PKD1L1: variants seen among roughly 807,000 people sequenced by gnomAD.
The protein encoded by PKD1L1 is polycystin 1 like 1, transient receptor potential channel interacting.
PKD1L1 carries 236 observed loss-of-function variants against 323.4 expected under a neutral mutation model. The ratio of observed to expected loss-of-function variants is 0.73; its 90% confidence interval spans 0.66 to 0.81. The LOEUF is 0.81. PKD1L1 is among the 40% of genes least tolerant of loss of function. The pLI, the probability that PKD1L1 is intolerant of heterozygous loss-of-function variation, is 0.00. For synonymous variants in PKD1L1, 1,344 were observed against 1,335.0 expected (o/e 1.01, Z -0.15); for missense variants, 3,320 against 3,508.0 (o/e 0.95, Z 1.35).
In PKD1L1 at chr7:47,894,164, A is replaced by G. The variant is rs534905870; in HGVS notation, c.2272-105T>C. 3.1e-4 allele frequency: 321 copies of G among 1,029,080 alleles called. 2 individuals carry two copies. The highest frequency in any genetic ancestry group is 6.2e-5 in the Non-Finnish European group (45 of 720,190). The allele number at this position is 1,029,080 out of a possible 1,614,324, so 63.7% of individuals were successfully genotyped here. ...TTAGAAAGGAAGCCGACGAGTCTCA[A>G]CGCATCCCTGGCTCCAACTAAAACA... On this transcript the variant is annotated intron_variant, in intron 14 of 56. Coordinates refer to ENST00000289672, the MANE Select transcript of PKD1L1 (RefSeq NM_138295.5).
intron 56 of PKD1L1, among the ~76,000 whole-genome samples, chr7:47,777,015 C>T (rs1412211816): frequency 1.3e-5 from 2 of 152,164 alleles, no homozygotes; most frequent in Admixed American, 1.3e-4. Flanking sequence ...CCTCAGCTTC[C>T]TGAGTAGCTG....
intron 9 of PKD1L1, among the ~76,000 whole-genome samples, chr7:47,907,049 C>G (rs576192832): frequency 1.3e-5 from 2 of 152,224 alleles, no homozygotes; most frequent in African/African-American, 2.4e-5. Flanking sequence ...GCTAGACGTG[C>G]TGCTTATTTA....
rs1396673502 is a variant in PKD1L1 at position 47,946,444 on chromosome 7, G to A, written c.44+1953C>T. Among the ~76,000 whole-genome samples the A allele has an allele frequency of 6.8e-6, 1 of 147,068 alleles. No homozygotes were observed. Among genetic ancestry groups the A allele is most frequent in the Admixed American group, 6.8e-5 (1 of 14,722 alleles). On this transcript the variant is annotated intron_variant, in intron 1 of 56. Transcript: ENST00000289672. This position sits in a 1 kb window ranked among gnomAD's most constrained non-coding sequence, Gnocchi z 4.1. ...ACACACAATATACACACACCACACA[G>A]CACATACCCACCCACCACACACACA...
chr7:47,800,510 G>A, intron 54 of PKD1L1, 139 bp downstream of exon 54: 2 of 858,328 alleles, frequency 2.3e-6, no homozygotes, highest in Non-Finnish European at 3.6e-6. Context: ...CAGGGCAGGT[G>A]AGCTGGACGG....
chr7:47,792,603 A>T, intron 56 of PKD1L1, 24 bp downstream of exon 56: 1 of 1,566,736 alleles, frequency 6.4e-7, no homozygotes, highest in Non-Finnish European at 8.7e-7. Flanking sequence ...GAAAATTGAC[A>T]TAAATAATTT....
In PKD1L1 at chr7:47,902,429, C is replaced by T. The variant is rs867303375; in HGVS notation, c.2014G>A (p.Glu672Lys). ...TTCACCAGGGGTGGCTGGCAGGGCTCGCACACGATGAAAAGTTGCTGTCTT... is the reference window on the plus strand; with the variant it reads ...TTCACCAGGGGTGGCTGGCAGGGCTTGCACACGATGAAAAGTTGCTGTCTT... ...TLRQQLFIVC[E>K]PCQPPLVKNM... The change falls in exon 13 of 57, where the codon GAG (glutamate) becomes AAG (lysine). Residue 672 changes from glutamate (E) to lysine (K), a missense_variant. Glu to Lys is a moderately conservative substitution (Grantham distance 56). Transcript: ENST00000289672. 27 of 1,614,042 alleles carry T rather than the reference C, an allele frequency of 1.7e-5. No homozygotes were observed. The highest frequency in any genetic ancestry group is 6.7e-5 in the African/African-American group (5 of 74,916).
In PKD1L1 at chr7:47,839,160, G is replaced by A. The variant is rs1288745514; in HGVS notation, c.5769+286C>T. On this transcript the variant is annotated intron_variant, in intron 36 of 56. Coordinates refer to ENST00000289672, the MANE Select transcript of PKD1L1 (RefSeq NM_138295.5). This position sits in a 1 kb window ranked among gnomAD's most constrained non-coding sequence, Gnocchi z 4.3. ...GAAAAGTCTTTAATTACAGGGCTCT[G>A]GACATCACAGACCACCAGCAACCAT... Among the ~76,000 whole-genome samples the A allele has an allele frequency of 6.6e-6, 1 of 152,094 alleles. No homozygotes were observed. Among genetic ancestry groups the A allele is most frequent in the African/African-American group, 2.4e-5 (1 of 41,400 alleles).
chr7:47,805,825 C>T (rs986288590), intron 52 of PKD1L1, among the ~76,000 whole-genome samples: 5 of 152,174 alleles, frequency 3.3e-5, no homozygotes, highest in African/African-American at 9.6e-5. Context: ...TTCAGAGCCT[C>T]GGTCTAGATG....
rs769707594 is a variant in PKD1L1 at position 47,808,397 on chromosome 7, C to G, written c.7687-10G>C. 3.1e-6 allele frequency: 5 copies of G among 1,613,678 alleles called. No individual in the cohort carries two copies. The African/African-American group carries it at 5.3e-5, about 17-fold the overall frequency. On this transcript the variant is annotated splice_polypyrimidine_tract_variant and intron_variant, in intron 51 of 56. Coordinates refer to ENST00000289672, the MANE Select transcript of PKD1L1 (RefSeq NM_138295.5). ...CTCCAACCACGGAGAGCTGGAACAT[C>G]CAAGAGAAAGGCCCTCAGATGGCTC...
At chr7:47,860,685 C>T (rs1255652218) in intron 26 of PKD1L1, among the ~76,000 whole-genome samples, 1 of 152,216 alleles carries the variant, frequency 6.6e-6, no homozygotes, top group Non-Finnish European at 1.5e-5. Context: ...ATTATGCCCA[C>T]TTTCACAATG....
rs554083095 is a variant in PKD1L1 at position 47,802,241 on chromosome 7, T to C, written c.7962+969A>G. 7.5e-4 allele frequency among the ~76,000 whole-genome samples: 112 copies of C among 149,480 alleles called. 1 individual carries two copies. The highest frequency in any genetic ancestry group is 2.7e-3 in the African/African-American group (111 of 40,752). On this transcript the variant is annotated intron_variant, in intron 53 of 56. Coordinates refer to ENST00000289672, the MANE Select transcript of PKD1L1 (RefSeq NM_138295.5). The stretch of plus-strand genomic sequence containing the variant: ...TTTGCATGTTGCTAAATGGTCTTAA[T>C]AATGACTAGTTTAATCACTCCATAA...
chr7:47,894,860 A>C (rs1046986059), intron 14 of PKD1L1, among the ~76,000 whole-genome samples: 3 of 151,414 alleles, frequency 2.0e-5, no homozygotes, highest in Non-Finnish European at 4.4e-5. Context: ...CCTGTCAAAA[A>C]AAAAAAAAAA....
chr7:47,850,192 G>A (rs886845497), intron 31 of PKD1L1, among the ~76,000 whole-genome samples: 1 of 152,090 alleles, frequency 6.6e-6, no homozygotes, highest in African/African-American at 2.4e-5. Flanking sequence ...GGAAACAAAT[G>A]AAAACAATTA....
intron 1 of PKD1L1, among the ~76,000 whole-genome samples, chr7:47,944,432 G>C (rs1042420137): frequency 2.6e-5 from 4 of 152,220 alleles, no homozygotes; most frequent in Admixed American, 2.6e-4. Context: ...CTCAGTCTCA[G>C]GTATTTCTTT....
chr7:47,879,790 G>A (rs1786494591), intron 21 of PKD1L1, among the ~76,000 whole-genome samples: 1 of 148,434 alleles, frequency 6.7e-6, no homozygotes, highest in South Asian at 2.1e-4. Flanking sequence ...AAAATTAGCT[G>A]GGCGTGGTGG....
At chr7:47,901,762 A>C (rs975802856) in intron 13 of PKD1L1, among the ~76,000 whole-genome samples, 12 of 152,228 alleles carry the variant, frequency 7.9e-5, no homozygotes, top group Non-Finnish European at 1.5e-4. Context: ...ATGCCACAGA[A>C]AGCAGTTTAG....
chr7:47,800,931 T>C (rs1160884813), intron 53 of PKD1L1, 52 bp from the exon 54 acceptor site: 3 of 1,493,864 alleles, frequency 2.0e-6, no homozygotes, highest in Non-Finnish European at 2.8e-6. Context: ...TTCTTAGGAG[T>C]GGAAGACTCA....
chr7:47,863,082 T>G (rs946901943), intron 26 of PKD1L1, among the ~76,000 whole-genome samples: 2 of 152,066 alleles, frequency 1.3e-5, no homozygotes, highest in Non-Finnish European at 1.5e-5. Context: ...GGTAGGAAGA[T>G]TCTAGCTACG....
chr7:47,815,806 T>C (rs914176404), intron 46 of PKD1L1, among the ~76,000 whole-genome samples: 3 of 149,492 alleles, frequency 2.0e-5, no homozygotes, highest in African/African-American at 7.4e-5. Context: ...AGGCAACAAA[T>C]AAGACAAATA....
Sources: allele counts gnomAD v4.1 joint callset (sites outside exome capture counted in the v4.1 genomes callset), GRCh38; gene constraint gnomAD v4.1.1; non-coding constraint Gnocchi (gnomAD v3.1); transcripts MANE v1.5; gene names NCBI Gene and HGNC (gene_info 2026-07-23, HGNC 2026-07-21).